Variants in DYSF observed in about 807,000 individuals in gnomAD.
DYSF encodes the protein dysferlin, also known as dystrophy-associated fer-1-like 1.
DYSF carries 212 observed loss-of-function variants against 274.9 expected under a neutral mutation model. That is an observed-to-expected ratio of 0.77 (90% confidence interval 0.69 to 0.86). The LOEUF (loss-of-function observed/expected upper bound fraction) is 0.86, where lower values mean the gene tolerates loss of function less well. DYSF is among the 40% of genes least tolerant of loss of function. The pLI is 0.00. For synonymous variants in DYSF, 1,091 were observed against 1,078.7 expected (o/e 1.01, Z -0.22); for missense variants, 2,666 against 2,783.2 (o/e 0.96, Z 0.95).
chr2:71,527,712 CAT>C (rs1272407441), intron 13 of DYSF, among the ~76,000 whole-genome samples: 2 of 152,220 alleles, frequency 1.3e-5, no homozygotes, highest in Non-Finnish European at 1.5e-5. Context: ...CTTACCCACT[CAT>C]ATGTCTGTAA....
At chr2:71,563,571 T>C (rs1444581832) in intron 23 of DYSF, among the ~76,000 whole-genome samples, 1 of 152,168 alleles carries the variant, frequency 6.6e-6, no homozygotes. Context: ...GTCCTGCTGC[T>C]ACGGGAGGAG....
chr2:71,642,361 G>T (rs909878693), intron 41 of DYSF, among the ~76,000 whole-genome samples: 1 of 152,202 alleles, frequency 6.6e-6, no homozygotes, highest in African/African-American at 2.4e-5. Flanking sequence ...TCCTTTGGAC[G>T]TGACTGTGTA....
At chr2:71,566,353 C>CAAAAAAAAAA (rs773800974) in intron 24 of DYSF, among the ~76,000 whole-genome samples, 2 of 49,816 alleles carry the variant, frequency 4.0e-5, no homozygotes, top group African/African-American at 7.3e-5. Flanking sequence ...TGGTTTCAAG[C>CAAAAAAAAAA]AAAAAAAAAA....
intron 41 of DYSF, among the ~76,000 whole-genome samples, chr2:71,629,817 C>CT (rs1355113137): frequency 6.6e-6 from 1 of 152,162 alleles, no homozygotes; most frequent in Non-Finnish European, 1.5e-5. Flanking sequence ...CTCTGGTTGT[C>CT]TAATTTGTCA....
chr2:71,515,573 T>G, intron 7 of DYSF, 50 bp from the exon 8 acceptor site: 1 of 1,613,684 alleles, frequency 6.2e-7, no homozygotes, highest in South Asian at 1.1e-5. Context: ...TGGTGGGTGG[T>G]CCTTAACTCT....
rs576460368 is a variant in DYSF at position 71,589,667 on chromosome 2, G to T, written c.3477G>T (p.Thr1159=). Residue 1159 remains threonine (T), a synonymous_variant, in exon 31 of 56, where the codon ACG becomes ACT. Coordinates refer to ENST00000410020, the MANE Select transcript of DYSF (RefSeq NM_001130987.2). Reference sequence around the variant, plus strand: ...TGAGCTTCGGTGTGAACAGACCCACGATTTCCTGCATATTCGACTGTAAGT... The same window carrying T: ...TGAGCTTCGGTGTGAACAGACCCACTATTTCCTGCATATTCGACTGTAAGT... ...STLSFGVNRP[T]ISCIFDYGNR... is the part of the protein sequence containing the mutation. 6.2e-7 allele frequency: 1 copy of T among 1,614,128 alleles called. No homozygotes were observed. The highest frequency in any genetic ancestry group is 1.7e-5 in the Admixed American group (1 of 60,018).
intron 26 of DYSF, 56 bp downstream of exon 26, chr2:71,568,394 C>G: frequency 5.0e-6 from 8 of 1,597,286 alleles, no homozygotes; most frequent in Non-Finnish European, 6.8e-6. Context: ...CCACCATGGA[C>G]TGCACCCTCC....
intron 52 of DYSF, among the ~76,000 whole-genome samples, chr2:71,677,702 G>A (rs1211858776): frequency 6.6e-6 from 1 of 151,590 alleles, no homozygotes. Context: ...GTGTTTTGAG[G>A]ATGTGGAGAA....
At position 71,569,744 on chromosome 2, in the gene DYSF, G is replaced by A. The variant is rs1559181451; in HGVS notation, c.2865-76G>A. On this transcript the variant is annotated intron_variant, in intron 26 of 55. Transcript: ENST00000410020. ...GGGTGAGGCTGACATACGCAGGGGT[G>A]CTCTCCAGGAGGTGGTAGATGGATG... 9.4e-6 allele frequency: 12 copies of A among 1,271,098 alleles called. No individual in the cohort carries two copies. The South Asian group carries it at 1.5e-4, about 16-fold the overall frequency. The allele number at this position is 1,271,098 out of a possible 1,614,324, so 78.7% of individuals were successfully genotyped here.
Position 71,600,750 on chromosome 2 carries a change from C to T in DYSF, c.3805C>T (p.Arg1269Trp), listed in dbSNP as rs753817458. Reference sequence around the variant, plus strand: ...CTGCATCTGTCAACCGAGTCTGGAACGGATGCCACGGCTGGCCTGGTTCCC... The same window carrying T: ...CTGCATCTGTCAACCGAGTCTGGAATGGATGCCACGGCTGGCCTGGTTCCC... ...GRCICQPSLE[R>W]MPRLAWFPLT... Residue 1269 changes from arginine (R) to tryptophan (W), a missense_variant, in exon 34 of 56, where the codon CGG becomes TGG. Physicochemically the swap from Arg to Trp is moderately radical, Grantham distance 101. Around this residue, in one of 3 missense-constraint regions of DYSF, gnomAD observed 1,460 missense variants for 1,502.1 expected, o/e 0.97. Coordinates refer to ENST00000410020, the MANE Select transcript of DYSF (RefSeq NM_001130987.2). 32 of 1,613,908 alleles carry T rather than the reference C, an allele frequency of 2.0e-5. No individual in the cohort carries two copies. The highest frequency in any genetic ancestry group is 2.3e-5 in the Non-Finnish European group (27 of 1,180,056).
In DYSF at chr2:71,629,657, A is replaced by G. The variant is rs10181092; in HGVS notation, c.4527+9048A>G. 7.5e-3 allele frequency among the ~76,000 whole-genome samples: 1,139 copies of G among 152,200 alleles called. 18 individuals are homozygous for G. Among genetic ancestry groups the G allele is most frequent in the African/African-American group, 0.026 (1,089 of 41,424 alleles). The stretch of plus-strand genomic sequence containing the variant: ...TGGCTTTTTGGGTCCACTAGTTAGT[A>G]TGCATTTTGGCTCCTTATTTCTCTG... On this transcript the variant is annotated intron_variant, in intron 41 of 55. Transcript: ENST00000410020.
In DYSF at chr2:71,658,919, C is replaced by T. The variant is rs551195286; in HGVS notation, c.4797C>T (p.Ile1599=). 42 of 1,614,206 alleles carry T rather than the reference C, an allele frequency of 2.6e-5. No homozygotes were observed. The highest frequency in any genetic ancestry group is 3.2e-5 in the Non-Finnish European group (38 of 1,180,038). ...ATCCCCTCCCAGAAGACCCAGCCAT[C>T]CCCATGCCCCCAAGACAGTTCCACC... ...KIYPLPEDPA[I]PMPPRQFHQL... The change falls in exon 44 of 56, where the codon ATC becomes ATT. Residue 1599 remains isoleucine (I), a synonymous_variant. Transcript: ENST00000410020.
At chr2:71,679,848 C>A (rs1179165450) in intron 53 of DYSF, among the ~76,000 whole-genome samples, 1 of 152,070 alleles carries the variant, frequency 6.6e-6, no homozygotes, top group African/African-American at 2.4e-5. Flanking sequence ...AAACGACATG[C>A]ATAGCTAATT....
chr2:71,644,126 A>G (rs2094530766), intron 42 of DYSF, 63 bp downstream of exon 42: 6 of 1,324,256 alleles, frequency 4.5e-6, no homozygotes, highest in Non-Finnish European at 6.4e-6. Context: ...GGGAGACACA[A>G]CAGAAAGAGA....
At chr2:71,566,223 G>GGGGGC (rs2092095659) in intron 24 of DYSF, among the ~76,000 whole-genome samples, 1 of 151,400 alleles carries the variant, frequency 6.6e-6, no homozygotes, top group East Asian at 2.0e-4. Context: ...CGAGAGTGGC[G>GGGGGC]GGGGCGGGGC....
Position 71,513,720 on chromosome 2 carries a change from A to C in DYSF, c.558A>C (p.Thr186=). 9 of 1,613,906 alleles carry C rather than the reference A, an allele frequency of 5.6e-6. No homozygotes were observed. The highest frequency in any genetic ancestry group is 7.6e-6 in the Non-Finnish European group (9 of 1,179,930). Residue 186 remains threonine (T), a synonymous_variant, in exon 7 of 56, where the codon ACA becomes ACC. Transcript: ENST00000410020. ...ATTAGGGCCCTCTCCTCTTAGACAC[A>C]GGAGGAGAGGAAGACACAGAGGACC... The part of the protein sequence containing the change: ...SGKKWPAPTD[T]GGEEDTEDQG...
chr2:71,624,924 T>A (rs1174393474), intron 41 of DYSF, among the ~76,000 whole-genome samples: 2 of 152,228 alleles, frequency 1.3e-5, no homozygotes, highest in Admixed American at 6.5e-5. Context: ...TGAGATGTCA[T>A]CAGATACTGC....
At chr2:71,523,157 T>A (rs979718008) in intron 12 of DYSF, among the ~76,000 whole-genome samples, 2 of 152,220 alleles carry the variant, frequency 1.3e-5, no homozygotes, top group Non-Finnish European at 2.9e-5. Flanking sequence ...TCCACTGTGA[T>A]CATCATGCAG....
intron 47 of DYSF, among the ~76,000 whole-genome samples, chr2:71,666,020 G>C (rs938446866): frequency 6.6e-6 from 1 of 151,880 alleles, no homozygotes; most frequent in Non-Finnish European, 1.5e-5. Flanking sequence ...GGAAATGATG[G>C]CTTTGATGCC....
Sources: allele counts gnomAD v4.1 joint callset (sites outside exome capture counted in the v4.1 genomes callset), GRCh38; gene constraint gnomAD v4.1.1; regional missense constraint gnomAD v4.1.1; transcripts MANE v1.5; gene names NCBI Gene and HGNC (gene_info 2026-07-23, HGNC 2026-07-21).